Variants in TRABD2B observed in about 807,000 individuals in gnomAD.
TRABD2B encodes metalloprotease TIKI2.
In TRABD2B, 14 loss-of-function variants were observed where a neutral mutation model predicts 40.1. The observed-to-expected ratio is 0.35, with a 90% CI of 0.23 to 0.55. The LOEUF (loss-of-function observed/expected upper bound fraction) is 0.55, where lower values mean the gene tolerates loss of function less well. Ranked by LOEUF, TRABD2B falls within the 20% of genes least tolerant of loss-of-function variation. The pLI, the probability that TRABD2B is intolerant of heterozygous loss-of-function variation, is 0.90. For synonymous variants in TRABD2B, 263 were observed against 277.0 expected, an observed-to-expected ratio of 0.95 and a Z score of 0.50; for missense variants, 541 against 648.6, an observed-to-expected ratio of 0.83 and a Z score of 1.80.
intron 2 of TRABD2B, among the ~76,000 whole-genome samples, chr1:47,850,260 A>T (rs898381099): frequency 6.6e-6 from 1 of 152,214 alleles, no homozygotes; most frequent in African/African-American, 2.4e-5. Context: ...AGAGTCAGTA[A>T]CCAAGAGGAC....
chr1:47,790,459 C>A (rs1327554050), intron 4 of TRABD2B, among the ~76,000 whole-genome samples: 1 of 152,178 alleles, frequency 6.6e-6, no homozygotes, highest in Non-Finnish European at 1.5e-5. Flanking sequence ...CACATTTGCA[C>A]CCCACCTGCC....
intron 4 of TRABD2B, among the ~76,000 whole-genome samples, chr1:47,786,754 G>A (rs1644600985): frequency 6.6e-6 from 1 of 152,148 alleles, no homozygotes; most frequent in African/African-American, 2.4e-5. Flanking sequence ...TGTCACCCAG[G>A]CTGGAGTGCA....
intron 2 of TRABD2B, among the ~76,000 whole-genome samples, chr1:47,904,400 GT>G (rs149013900): frequency 0.017 from 2,602 of 152,312 alleles, 77 homozygotes; most frequent in African/African-American, 0.059. Context: ...TTATATGATG[GT>G]TCCTTTCCCA....
At position 47,803,015 on chromosome 1, in the gene TRABD2B, C is replaced by CA. The variant is rs903424214; in HGVS notation, c.667-1397dup. Among the ~76,000 whole-genome samples the CA allele has an allele frequency of 2.1e-3, 299 of 143,622 alleles. No homozygotes were observed. In the East Asian group the frequency reaches 0.024, roughly 11 times the overall value. 94.2% of individuals were successfully genotyped at this position (143,622 alleles called of 152,430 possible). A position where few individuals can be genotyped will look rare whatever the true frequency, so the allele number is the denominator to read the frequency against. ...CTAAAATACTCAGCATTCCTTCAAG[C>CA]AAAAAAAAAAAAATCTTCTGCCTTT... On this transcript the variant is annotated intron_variant, in intron 2 of 6. Transcript: ENST00000606738.
At chr1:47,770,814 CT>C (rs1644367930) in intron 6 of TRABD2B, among the ~76,000 whole-genome samples, 1 of 152,202 alleles carries the variant, frequency 6.6e-6, no homozygotes, top group Non-Finnish European at 1.5e-5. Context: ...GCCAAAGGCC[CT>C]TTCTGCTAGG....
chr1:47,912,802 C>A (rs912669136), intron 2 of TRABD2B, among the ~76,000 whole-genome samples: 4 of 152,114 alleles, frequency 2.6e-5, no homozygotes, highest in Non-Finnish European at 5.9e-5. Flanking sequence ...CTCAGGCCCA[C>A]CTCGTCCCAG....
intron 4 of TRABD2B, among the ~76,000 whole-genome samples, chr1:47,783,801 G>A (rs1644558023): frequency 6.6e-6 from 1 of 152,214 alleles, no homozygotes; most frequent in Non-Finnish European, 1.5e-5. Context: ...CATCAGCCTG[G>A]CACAGCCTGA....
chr1:47,908,782 T>C (rs930082826), intron 2 of TRABD2B, among the ~76,000 whole-genome samples: 5 of 152,238 alleles, frequency 3.3e-5, no homozygotes, highest in Non-Finnish European at 7.3e-5. Context: ...TGGCTCCTCA[T>C]ACCATGTACA....
intron 2 of TRABD2B, among the ~76,000 whole-genome samples, chr1:47,815,829 A>C (rs1029149708): frequency 4.8e-5 from 4 of 84,210 alleles, no homozygotes; most frequent in African/African-American, 1.1e-4. Flanking sequence ...AGATAGATAG[A>C]TAGATAGATA....
intron 2 of TRABD2B, among the ~76,000 whole-genome samples, chr1:47,991,720 C>T (rs753164890): frequency 5.0e-5 from 7 of 140,144 alleles, no homozygotes; most frequent in Non-Finnish European, 1.0e-4. Context: ...GCCTTCTTCT[C>T]TCACTGTCTC....
chr1:47,858,263 A>C (rs866858096), intron 2 of TRABD2B, among the ~76,000 whole-genome samples: 1 of 68,060 alleles, frequency 1.5e-5, no homozygotes, highest in Non-Finnish European at 2.9e-5. Flanking sequence ...ATTTTATTTT[A>C]TTTTATTTTT....
intron 3 of TRABD2B, among the ~76,000 whole-genome samples, chr1:47,800,742 C>T (rs981148812): frequency 6.6e-6 from 1 of 152,172 alleles, no homozygotes; most frequent in African/African-American, 2.4e-5. Flanking sequence ...AGGAAGGTTT[C>T]TCAGGAGGTG....
intron 2 of TRABD2B, among the ~76,000 whole-genome samples, chr1:47,948,697 C>T (rs1645295607): frequency 6.6e-6 from 1 of 152,170 alleles, no homozygotes; most frequent in South Asian, 2.1e-4. Context: ...CCTCCATAAG[C>T]TTCTAAGACC....
chr1:47,767,502 G>C (rs1410464049), intron 6 of TRABD2B, among the ~76,000 whole-genome samples: 2 of 152,200 alleles, frequency 1.3e-5, no homozygotes, highest in Non-Finnish European at 2.9e-5. Flanking sequence ...TTTAACCTTT[G>C]GACCTCATGA....
At chr1:47,948,734 T>C (rs1309426327) in intron 2 of TRABD2B, among the ~76,000 whole-genome samples, 1 of 152,134 alleles carries the variant, frequency 6.6e-6, no homozygotes, top group Non-Finnish European at 1.5e-5. Flanking sequence ...AAGATGACCT[T>C]TCTCTCTCCT....
At chr1:47,879,882 C>T (rs1644277961) in intron 2 of TRABD2B, among the ~76,000 whole-genome samples, 1 of 152,164 alleles carries the variant, frequency 6.6e-6, no homozygotes, top group South Asian at 2.1e-4. Flanking sequence ...GTGGGGAGGC[C>T]ACCCCTGCCA....
In TRABD2B at chr1:47,996,333, C is replaced by T. The variant is rs1317415002; in HGVS notation, c.102+355G>A. ...AAGGGCAAGGAACGGTAGAAAAACA[C>T]AGTCAGAAGCGGGCAGAGAGACCAG... is the stretch of plus-strand genomic sequence containing the variant. On this transcript the variant is annotated intron_variant, in intron 1 of 6. Transcript: ENST00000606738. This position sits in a 1 kb window ranked among gnomAD's most constrained non-coding sequence, Gnocchi z 4.6. 6.6e-6 allele frequency among the ~76,000 whole-genome samples: 1 copy of T among 152,082 alleles called. No homozygotes were observed. Among genetic ancestry groups the T allele is most frequent in the Non-Finnish European group, 1.5e-5 (1 of 68,024 alleles).
At position 47,765,994 on chromosome 1, in the gene TRABD2B, C is replaced by A. The variant is rs936516501; in HGVS notation, c.1462G>T (p.Ala488Ser). ...CCCAGGGTGGGTGCCGAGCTGCTGGCGGGCCCTGGCGGGTCCTGCTGTTGT... is the reference window on the plus strand; with the variant it reads ...CCCAGGGTGGGTGCCGAGCTGCTGGAGGGCCCTGGCGGGTCCTGCTGTTGT... ...QLQQQDPPGP[A>S]SSSAPTLGLL... The change falls in exon 7 of 7, where the codon GCC becomes TCC. Residue 488 changes from alanine to serine, a missense_variant. Coordinates refer to ENST00000606738, the MANE Select transcript of TRABD2B (RefSeq NM_001194986.2). 3 of 698,276 alleles carry A rather than the reference C, an allele frequency of 4.3e-6. No individual in the cohort carries two copies. The highest frequency in any genetic ancestry group is 4.0e-5 in the Admixed American group (2 of 49,680). The allele number at this position is 698,276 out of a possible 1,614,324, so 43.3% of individuals were successfully genotyped here. A position where few individuals can be genotyped will look rare whatever the true frequency, so the allele number is the denominator to read the frequency against.
rs140189011 is a variant in TRABD2B, at chr1:47,992,377, C to T, written c.666+1657G>A. Among the ~76,000 whole-genome samples, 70 of 152,278 alleles carry T rather than the reference C, an allele frequency of 4.6e-4. 1 individual carries two copies. In the East Asian group the frequency reaches 0.013, roughly 27 times the overall value. On this transcript the variant is annotated intron_variant, in intron 2 of 6. Coordinates refer to ENST00000606738, the MANE Select transcript of TRABD2B (RefSeq NM_001194986.2). ...CATTTGGTTGAACAGGAGTGTCTCC[C>T]GACCCCAAAGAAAGATAGTTTTGTT...
Sources: allele counts gnomAD v4.1 joint callset (sites outside exome capture counted in the v4.1 genomes callset), GRCh38; gene constraint gnomAD v4.1.1; non-coding constraint Gnocchi (gnomAD v3.1); transcripts MANE v1.5; gene names NCBI Gene and HGNC (gene_info 2026-07-23, HGNC 2026-07-21).